The following ANK3 variants were observed in gnomAD, a reference collection of about 807,000 sequenced individuals.
The protein encoded by ANK3 is ankyrin 3.
Under a neutral mutation model 370.9 loss-of-function variants are expected in ANK3, and 57 were observed. The ratio of observed to expected loss-of-function variants is 0.15; its 90% CI spans 0.12 to 0.19. The LOEUF is 0.19. ANK3 is among the 10% of genes least tolerant of loss of function. The pLI, the probability that ANK3 is intolerant of heterozygous loss-of-function variation, is 1.00. For missense variants in ANK3, 4,439 were observed against 5,302.1 expected (o/e 0.84, Z 5.06); for synonymous variants, 1,929 against 1,946.3 (o/e 0.99, Z 0.23).
At chr10:60,335,740 G>A (rs550884664) in intron 1 of ANK3, among the ~76,000 whole-genome samples, 2 of 152,198 alleles carry the variant, frequency 1.3e-5, no homozygotes, top group East Asian at 3.9e-4. Context: ...ATTTATTATT[G>A]TTTCTTGAGG....
chr10:60,315,538 A>G (rs753582239), intron 1 of ANK3, among the ~76,000 whole-genome samples: 5 of 152,186 alleles, frequency 3.3e-5, no homozygotes, highest in African/African-American at 9.7e-5. Flanking sequence ...ATTCTGCCAA[A>G]AGAGCTGTTA....
At chr10:60,572,255 T>A (rs1374860221) in intron 2 of ANK3, among the ~76,000 whole-genome samples, 1 of 152,198 alleles carries the variant, frequency 6.6e-6, no homozygotes, top group Admixed American at 6.5e-5. Context: ...TGTATTTAAC[T>A]GTTTAAATAT....
intron 2 of ANK3, among the ~76,000 whole-genome samples, chr10:60,518,558 A>G (rs973115232): frequency 6.6e-6 from 1 of 152,116 alleles, no homozygotes; most frequent in Non-Finnish European, 1.5e-5. Context: ...TATACCCCAA[A>G]TGAACCTTAG....
chr10:60,444,444 G>GTGTA (rs386361850), intron 2 of ANK3, among the ~76,000 whole-genome samples: 206 of 148,812 alleles, frequency 1.4e-3, no homozygotes, highest in East Asian at 4.1e-3. Flanking sequence ...GTGTGTGTGT[G>GTGTA]TATATATATA....
intron 27 of ANK3, chr10:60,108,070 A>T (rs2092374573): frequency 3.6e-6 from 1 of 276,990 alleles, no homozygotes; most frequent in Non-Finnish European, 7.2e-6. Context: ...ATTAAAAAAA[A>T]CTTAAAAAAT....
At chr10:60,729,404 A>G (rs982826745) in intron 1 of ANK3, among the ~76,000 whole-genome samples, 1 of 152,184 alleles carries the variant, frequency 6.6e-6, no homozygotes, top group Admixed American at 6.5e-5. Flanking sequence ...CCAATAAATC[A>G]CCATAGTTAT....
chr10:60,454,560 A>G (rs1353104540), intron 2 of ANK3, among the ~76,000 whole-genome samples: 1 of 152,132 alleles, frequency 6.6e-6, no homozygotes, highest in Non-Finnish European at 1.5e-5. Flanking sequence ...AGTTTACAGG[A>G]TGCCCCCTGC....
At chr10:60,284,386 A>G (rs546409079) in intron 1 of ANK3, among the ~76,000 whole-genome samples, 1 of 152,262 alleles carries the variant, frequency 6.6e-6, no homozygotes, top group Admixed American at 6.5e-5. Flanking sequence ...AGTAGGTACT[A>G]TTACTAGCTC....
At chr10:60,684,509 G>C in intron 1 of ANK3, 2 of 1,491,334 alleles carry the variant, frequency 1.3e-6, no homozygotes, top group Non-Finnish European at 1.8e-6. Context: ...CTGGAAATGG[G>C]GAATGGACTA....
At chr10:60,361,220 T>A (rs1249102937) in intron 1 of ANK3, among the ~76,000 whole-genome samples, 1 of 152,218 alleles carries the variant, frequency 6.6e-6, no homozygotes, top group Non-Finnish European at 1.5e-5. Context: ...TGTGTACCTT[T>A]ACCTTTCGAA....
chr10:60,256,642 T>C (rs927775622), intron 7 of ANK3, among the ~76,000 whole-genome samples: 4 of 152,174 alleles, frequency 2.6e-5, no homozygotes, highest in African/African-American at 9.7e-5. Context: ...ACAACAGTAG[T>C]CCCCAGTGTC....
chr10:60,376,521 C>A (rs10994322), intron 1 of ANK3, among the ~76,000 whole-genome samples: 1 of 152,004 alleles, frequency 6.6e-6, no homozygotes, highest in Non-Finnish European at 1.5e-5. Flanking sequence ...TACAGCCTGC[C>A]GCTGAAGACA....
Position 60,074,560 on chromosome 10 carries a change from A to G in ANK3, c.6321T>C (p.Thr2107=). 6.2e-7 allele frequency: 1 copy of G among 1,614,118 alleles called. No individual in the cohort carries two copies. Among genetic ancestry groups the G allele is most frequent in the Non-Finnish European group, 8.5e-7 (1 of 1,179,998 alleles). The change falls in exon 37 of 44, where the codon ACT becomes ACC. Residue 2107 remains threonine, a synonymous_variant. Transcript: ENST00000280772. The stretch of plus-strand genomic sequence containing the variant: ...AAAAGTCATCAGGAGACTCTAAAAT[A>G]GTATCTGTTCCAAAAAAGGAATCAG... ...KMADSFFGTD[T]ILESPDDFSQ...
Position 60,205,785 on chromosome 10 carries a change from T to G in ANK3, c.1293+7A>C, listed in dbSNP as rs767210851. On this transcript the variant is annotated splice_region_variant and intron_variant, in intron 11 of 43. Coordinates refer to ENST00000280772, the MANE Select transcript of ANK3 (RefSeq NM_020987.5). Reference sequence around the variant, plus strand: ...TCAGGACTCCCAGAAATCTTAACTCTTCTCACCTCGGTTACAGCTTGGATG... The same window carrying G: ...TCAGGACTCCCAGAAATCTTAACTCGTCTCACCTCGGTTACAGCTTGGATG... 1.9e-6 allele frequency: 3 copies of G among 1,606,738 alleles called. No homozygotes were observed. In the East Asian group the frequency reaches 6.7e-5, roughly 36 times the overall value.
chr10:60,218,093 CTTTCTTTTTTTTTTTT>C (rs992031004), intron 8 of ANK3, among the ~76,000 whole-genome samples: 6 of 124,410 alleles, frequency 4.8e-5, no homozygotes, highest in African/African-American at 2.1e-4. Context: ...TTTTCTTTTT[CTTTCTTTTTTTTTTTT>C]TTTTTTTTGC....
chr10:60,252,677 A>C (rs1013192675), intron 7 of ANK3, among the ~76,000 whole-genome samples: 1 of 152,204 alleles, frequency 6.6e-6, no homozygotes, highest in African/African-American at 2.4e-5. Flanking sequence ...GTCATTAATT[A>C]ACAGTTTCTT....
chr10:60,555,229 T>C (rs1442403853), intron 2 of ANK3, among the ~76,000 whole-genome samples: 1 of 152,092 alleles, frequency 6.6e-6, no homozygotes, highest in Admixed American at 6.5e-5. Flanking sequence ...CCTAGTATAT[T>C]GGGAGGCTGA....
Position 60,198,669 on chromosome 10 carries a change from C to G in ANK3, c.1492-132G>C, listed in dbSNP as rs531225621. ...TTTTTGAGTCAATGCTAAAAAAACT[C>G]ATTTGTCTTTTTCTTCAATGCTCAG... On this transcript the variant is annotated intron_variant, in intron 13 of 43. Transcript: ENST00000280772. The G allele has an allele frequency of 2.1e-5, 16 of 753,760 alleles. No individual in the cohort carries two copies. The South Asian group carries it at 2.6e-4, about 12-fold the overall frequency. 46.7% of individuals were successfully genotyped at this position (753,760 alleles called of 1,614,324 possible). A position where few individuals can be genotyped will look rare whatever the true frequency, so the allele number is the denominator to read the frequency against.
intron 7 of ANK3, among the ~76,000 whole-genome samples, chr10:60,258,609 C>A (rs1302162776): frequency 6.6e-6 from 1 of 152,176 alleles, no homozygotes. Flanking sequence ...GCCTTTGTTT[C>A]TACCTATTAT....
Sources: gnomAD v4.1 joint callset for allele counts (sites outside exome capture counted in the v4.1 genomes callset) on GRCh38, gnomAD v4.1.1 for gene constraint, MANE v1.5 for transcripts, NCBI Gene and HGNC (gene_info 2026-07-23, HGNC 2026-07-21) for gene names.